The following VPS13B variants were observed in gnomAD, a reference collection of about 807,000 sequenced individuals.
VPS13B encodes vacuolar protein sorting 13 homolog B, also known as intermembrane lipid transfer protein VPS13B.
In VPS13B, 285 loss-of-function variants were observed where a neutral mutation model predicts 426.4. The ratio of observed to expected loss-of-function variants is 0.67; its 90% CI spans 0.61 to 0.74. VPS13B has a LOEUF of 0.74. Ranked by LOEUF, VPS13B falls within the 30% of genes least tolerant of loss-of-function variation. The pLI is 0.00. For synonymous variants in VPS13B, 1,676 were observed against 1,676.4 expected, an observed-to-expected ratio of 1.00 and a Z score of 0.01; for missense variants, 4,537 against 4,782.6, an observed-to-expected ratio of 0.95 and a Z score of 1.51.
Position 99,766,898 on chromosome 8 carries a change from A to G in VPS13B, c.7175A>G (p.Gln2392Arg). 4 of 1,614,070 alleles carry G rather than the reference A, an allele frequency of 2.5e-6. No homozygotes were observed. The highest frequency in any genetic ancestry group is 2.2e-5 in the East Asian group (1 of 44,834). Residue 2392 changes from glutamine to arginine, a missense_variant, in exon 40 of 62, where the codon CAG becomes CGG. Around this residue, in one of 2 missense-constraint regions of VPS13B, gnomAD observed 4,311 missense variants for 4,474.3 expected, o/e 0.96. Coordinates refer to ENST00000357162, the MANE Select transcript of VPS13B (RefSeq NM_152564.5). The stretch of plus-strand genomic sequence containing the variant: ...CCGGATATCAATCTCGTGAATGACC[A>G]GAAGAAATTAGTATCTTCAGATCTT... ...QLPDINLVND[Q>R]KKLVSSDLWR...
chr8:99,458,304 AT>A (rs1818619195), intron 23 of VPS13B, among the ~76,000 whole-genome samples: 1 of 151,970 alleles, frequency 6.6e-6, no homozygotes, highest in Non-Finnish European at 1.5e-5. Flanking sequence ...CATTTTCTTA[AT>A]CCAGTCTATC....
chr8:99,471,648 T>A (rs1270902339), intron 24 of VPS13B, among the ~76,000 whole-genome samples: 1 of 152,110 alleles, frequency 6.6e-6, no homozygotes, highest in Non-Finnish European at 1.5e-5. Context: ...AAAAATAAAA[T>A]GCTGGAGCTA....
At chr8:99,428,251 C>T (rs1226723813) in intron 21 of VPS13B, among the ~76,000 whole-genome samples, 1 of 152,116 alleles carries the variant, frequency 6.6e-6, no homozygotes, top group Non-Finnish European at 1.5e-5. Flanking sequence ...TCTAAAACAC[C>T]AAAAGCAATG....
At chr8:99,066,564 G>A (rs1324289011) in intron 3 of VPS13B, among the ~76,000 whole-genome samples, 1 of 152,152 alleles carries the variant, frequency 6.6e-6, no homozygotes, top group Non-Finnish European at 1.5e-5. Flanking sequence ...AGAAAACCTA[G>A]GCAATACCAT....
chr8:99,669,576 A>G (rs932374990), intron 35 of VPS13B, among the ~76,000 whole-genome samples: 2 of 152,178 alleles, frequency 1.3e-5, no homozygotes, highest in African/African-American at 4.8e-5. Context: ...CAAGACAATG[A>G]ATGCAATTTC....
At chr8:99,703,718 A>T (rs1246159911) in intron 36 of VPS13B, among the ~76,000 whole-genome samples, 1 of 152,208 alleles carries the variant, frequency 6.6e-6, no homozygotes, top group African/African-American at 2.4e-5. Flanking sequence ...CCAAAAGTAT[A>T]TAGCTATAAA....
At chr8:99,411,516 T>C (rs1815662944) in intron 21 of VPS13B, among the ~76,000 whole-genome samples, 1 of 152,232 alleles carries the variant, frequency 6.6e-6, no homozygotes, top group African/African-American at 2.4e-5. Flanking sequence ...GCATATTGCC[T>C]GTTCACTCCG....
chr8:99,660,747 T>A (rs1443082937), intron 34 of VPS13B, among the ~76,000 whole-genome samples: 1 of 151,926 alleles, frequency 6.6e-6, no homozygotes, highest in Non-Finnish European at 1.5e-5. Context: ...AAAAAAAGTC[T>A]AAACAGAAAA....
At chr8:99,240,818 A>G (rs937359672) in intron 17 of VPS13B, 7 of 152,624 alleles carry the variant, frequency 4.6e-5, no homozygotes, top group African/African-American at 1.4e-4. Context: ...TTTCCCATCC[A>G]TGCTTTTTCC....
chr8:99,525,624 C>T (rs1037506616), intron 30 of VPS13B, among the ~76,000 whole-genome samples: 1 of 152,170 alleles, frequency 6.6e-6, no homozygotes, highest in Non-Finnish European at 1.5e-5. Flanking sequence ...GGCTACTGTA[C>T]ATCAGGCACT....
intron 33 of VPS13B, among the ~76,000 whole-genome samples, chr8:99,608,267 G>A (rs1827687769): frequency 6.6e-6 from 1 of 150,380 alleles, no homozygotes; most frequent in African/African-American, 2.4e-5. Context: ...TCCTACCTCA[G>A]CATCCCTAGT....
At chr8:99,188,888 G>T (rs1269524659) in intron 16 of VPS13B, among the ~76,000 whole-genome samples, 1 of 152,054 alleles carries the variant, frequency 6.6e-6, no homozygotes, top group Non-Finnish European at 1.5e-5. Flanking sequence ...GTCTTTTCAG[G>T]TCCTATGTTC....
Position 99,558,219 on chromosome 8 carries a change from A to C in VPS13B, c.4949+1566A>C, listed in dbSNP as rs1171141103. ...CCAGGTAATAACTGTTATTTTCCCT[A>C]ATTATACATGAAGAAACTAAGGCCT... On this transcript the variant is annotated intron_variant, in intron 31 of 61. Transcript: ENST00000357162. 2.6e-5 allele frequency among the ~76,000 whole-genome samples: 4 copies of C among 152,130 alleles called. No homozygotes were observed. The East Asian group carries it at 7.7e-4, about 29-fold the overall frequency.
chr8:99,770,329 G>GA (rs1375798813), intron 40 of VPS13B, among the ~76,000 whole-genome samples: 1 of 143,544 alleles, frequency 7.0e-6, no homozygotes, highest in African/African-American at 2.5e-5. Context: ...AGAGGCAAGG[G>GA]ATGCACCCTC....
chr8:99,604,206 A>G (rs1827459591), intron 33 of VPS13B, among the ~76,000 whole-genome samples: 1 of 152,190 alleles, frequency 6.6e-6, no homozygotes, highest in Non-Finnish European at 1.5e-5. Context: ...TCTTAGATTT[A>G]CAGAAAAGTT....
chr8:99,312,742 G>A lies in VPS13B; in HGVS notation c.2824+37488G>A, dbSNP rs547762708. 3.0e-4 allele frequency among the ~76,000 whole-genome samples: 45 copies of A among 152,200 alleles called. No homozygotes were observed. In the South Asian group the frequency reaches 8.9e-3, roughly 30 times the overall value. On this transcript the variant is annotated intron_variant, in intron 19 of 61. Coordinates refer to ENST00000357162, the MANE Select transcript of VPS13B (RefSeq NM_152564.5). ...CCTTGCTAGGTTGGGGAAGTTCTCC[G>A]GATAATATCTTGCAGATTGTTTTCT...
intron 30 of VPS13B, chr8:99,527,870 C>T (rs1348965380): frequency 3.3e-5 from 5 of 151,718 alleles, no homozygotes; most frequent in Non-Finnish European, 5.9e-5. Context: ...TGATCATGAC[C>T]AGTTACAGAT....
intron 17 of VPS13B, among the ~76,000 whole-genome samples, chr8:99,269,831 A>G (rs1202509370): frequency 6.6e-6 from 1 of 152,140 alleles, no homozygotes; most frequent in Admixed American, 6.6e-5. Flanking sequence ...GTAGAGTGGA[A>G]AGAAACTACG....
chr8:99,173,757 CT>C (rs778106382), intron 16 of VPS13B, among the ~76,000 whole-genome samples: 1 of 152,132 alleles, frequency 6.6e-6, no homozygotes, highest in Non-Finnish European at 1.5e-5. Flanking sequence ...ACATTAACAT[CT>C]GTTACAATCT....
Sources: allele counts gnomAD v4.1 joint callset (sites outside exome capture counted in the v4.1 genomes callset), GRCh38; gene constraint gnomAD v4.1.1; regional missense constraint gnomAD v4.1.1; transcripts MANE v1.5; gene names NCBI Gene and HGNC (gene_info 2026-07-23, HGNC 2026-07-21).